The following PLEKHM3 variants were observed in gnomAD, a reference collection of about 807,000 sequenced individuals.
PLEKHM3 encodes the protein pleckstrin homology domain containing M3, also known as pleckstrin homology domain-containing family M member 3.
A neutral mutation model predicts 81.8 loss-of-function variants in PLEKHM3; 45 were observed. That is an observed-to-expected ratio of 0.55 (90% CI 0.43 to 0.71). The LOEUF is 0.71. Among genes scored for constraint, PLEKHM3 ranks in the 30% least tolerant of loss-of-function variants. PLEKHM3 has a pLI of 0.00. For synonymous variants in PLEKHM3, 352 were observed against 356.4 expected (o/e 0.99, Z 0.14); for missense variants, 788 against 924.3 (o/e 0.85, Z 1.91).
intron 5 of PLEKHM3, among the ~76,000 whole-genome samples, chr2:207,929,391 C>T (rs956038229): frequency 1.3e-5 from 2 of 152,158 alleles, no homozygotes; most frequent in Non-Finnish European, 2.9e-5. Context: ...CAGAGCAAAA[C>T]ATTATACCAT....
chr2:207,995,982 C>T (rs1692108262), intron 2 of PLEKHM3, among the ~76,000 whole-genome samples: 2 of 152,158 alleles, frequency 1.3e-5, no homozygotes, highest in Admixed American at 6.5e-5. Context: ...TTGCCAACTT[C>T]GGACAGACTA....
intron 7 of PLEKHM3, among the ~76,000 whole-genome samples, chr2:207,831,698 T>C (rs2092289310): frequency 6.6e-6 from 1 of 152,140 alleles, no homozygotes; most frequent in Non-Finnish European, 1.5e-5. Context: ...ATCCTGGACA[T>C]GGCAGGGTCA....
intron 6 of PLEKHM3, among the ~76,000 whole-genome samples, chr2:207,866,002 G>A (rs72964860): frequency 0.25 from 36,732 of 149,118 alleles, 4,700 homozygotes; most frequent in Non-Finnish European, 0.29. Flanking sequence ...TTTCCACCCT[G>A]CCCTAGACTT....
chr2:207,917,571 G>C (rs1383633295), intron 5 of PLEKHM3, among the ~76,000 whole-genome samples: 1 of 152,084 alleles, frequency 6.6e-6, no homozygotes, highest in African/African-American at 2.4e-5. Context: ...GGCCAGGCAG[G>C]GTGGCTCACG....
At chr2:207,880,790 CA>C (rs1221176290) in intron 6 of PLEKHM3, among the ~76,000 whole-genome samples, 1 of 33,584 alleles carries the variant, frequency 3.0e-5, no homozygotes, top group Non-Finnish European at 6.4e-5. Context: ...AAAAAAAAAC[CA>C]AAAAAACAAA....
intron 6 of PLEKHM3, among the ~76,000 whole-genome samples, chr2:207,865,070 A>G (rs1288890932): frequency 6.6e-6 from 1 of 152,126 alleles, no homozygotes; most frequent in Non-Finnish European, 1.5e-5. Context: ...TTTTTCTAGT[A>G]TTATATCTCT....
At chr2:207,847,799 C>G (rs2092392301) in intron 7 of PLEKHM3, among the ~76,000 whole-genome samples, 1 of 152,194 alleles carries the variant, frequency 6.6e-6, no homozygotes, top group Non-Finnish European at 1.5e-5. Context: ...CACTGCAATA[C>G]TCACTGAGTG....
At chr2:207,859,876 C>T (rs549463486) in intron 7 of PLEKHM3, among the ~76,000 whole-genome samples, 57 of 152,200 alleles carry the variant, frequency 3.7e-4, no homozygotes, top group Non-Finnish European at 6.6e-4. Context: ...GGATTACAGG[C>T]GTGAGCCACC....
At chr2:207,881,191 AT>A (rs1299151954) in intron 6 of PLEKHM3, among the ~76,000 whole-genome samples, 5 of 152,206 alleles carry the variant, frequency 3.3e-5, no homozygotes, top group Non-Finnish European at 7.3e-5. Flanking sequence ...AATTATGGCA[AT>A]GGAATCTTAT....
intron 2 of PLEKHM3, among the ~76,000 whole-genome samples, chr2:207,988,864 T>A (rs1691808395): frequency 6.6e-6 from 1 of 152,178 alleles, no homozygotes; most frequent in Non-Finnish European, 1.5e-5. Context: ...TCTCTTATGT[T>A]CCTTGAACAA....
intron 6 of PLEKHM3, among the ~76,000 whole-genome samples, chr2:207,865,282 C>T (rs1287657768): frequency 1.3e-5 from 2 of 152,144 alleles, no homozygotes; most frequent in East Asian, 1.9e-4. Flanking sequence ...AAAATAACTG[C>T]TATACTGAGA....
chr2:207,926,725 A>G (rs1313255862), intron 5 of PLEKHM3, among the ~76,000 whole-genome samples: 4 of 152,156 alleles, frequency 2.6e-5, no homozygotes, highest in Non-Finnish European at 4.4e-5. Context: ...TTTCTAAACT[A>G]ATCACCCCTG....
intron 6 of PLEKHM3, among the ~76,000 whole-genome samples, chr2:207,897,721 C>T (rs1688271052): frequency 6.6e-6 from 1 of 152,206 alleles, no homozygotes; most frequent in Non-Finnish European, 1.5e-5. Flanking sequence ...AACTCCATCC[C>T]ATGTTCACCT....
intron 2 of PLEKHM3, among the ~76,000 whole-genome samples, chr2:207,994,882 C>T (rs1396640819): frequency 6.6e-6 from 1 of 152,174 alleles, no homozygotes; most frequent in Admixed American, 6.5e-5. Context: ...GCCGACATTC[C>T]TTCTTAAGAA....
At chr2:207,920,241 T>C (rs1399540096) in intron 5 of PLEKHM3, among the ~76,000 whole-genome samples, 2 of 152,170 alleles carry the variant, frequency 1.3e-5, no homozygotes, top group African/African-American at 2.4e-5. Context: ...CTGACAAACA[T>C]GTAGGAGCAA....
At chr2:207,984,305 A>C (rs1318813734) in intron 2 of PLEKHM3, among the ~76,000 whole-genome samples, 1 of 152,244 alleles carries the variant, frequency 6.6e-6, no homozygotes, top group East Asian at 1.9e-4. Flanking sequence ...TTTAAAATAT[A>C]TACGATACTT....
At chr2:207,909,887 T>C (rs1171382768) in intron 5 of PLEKHM3, among the ~76,000 whole-genome samples, 2 of 152,236 alleles carry the variant, frequency 1.3e-5, no homozygotes, top group Non-Finnish European at 2.9e-5. Context: ...ATTAAATCAT[T>C]CATCCTTCCA....
intron 2 of PLEKHM3, among the ~76,000 whole-genome samples, chr2:207,994,225 G>A (rs545223831): frequency 2.6e-5 from 4 of 152,266 alleles, no homozygotes; most frequent in African/African-American, 7.2e-5. Context: ...ATAAGTGTGC[G>A]TGTGTATAAC....
At chr2:208,025,270 C>G (rs1458005159) in intron 1 of PLEKHM3, 119 bp downstream of exon 1, 4 of 152,292 alleles carry the variant, frequency 2.6e-5, no homozygotes, top group African/African-American at 9.6e-5. Flanking sequence ...CCTGAGCATG[C>G]AAGAAACAGC....
Sources: gnomAD v4.1 joint callset for allele counts (sites outside exome capture counted in the v4.1 genomes callset) on GRCh38, gnomAD v4.1.1 for gene constraint, MANE v1.5 for transcripts, NCBI Gene and HGNC (gene_info 2026-07-23, HGNC 2026-07-21) for gene names.